Variants in PPP3CB observed in about 807,000 individuals in gnomAD.
The protein encoded by PPP3CB is serine/threonine-protein phosphatase 2B catalytic subunit beta isoform.
In PPP3CB, 8 loss-of-function variants were observed where a neutral mutation model predicts 66.4. The observed-to-expected ratio is 0.12, with a 90% CI of 0.07 to 0.22. The LOEUF (loss-of-function observed/expected upper bound fraction) is 0.22, where lower values mean the gene tolerates loss of function less well. Ranked by LOEUF, PPP3CB falls within the 10% of genes least tolerant of loss-of-function variation. The pLI is 1.00. For missense variants in PPP3CB, 319 were observed against 642.5 expected (o/e 0.50, Z 5.44); for synonymous variants, 208 against 221.2 (o/e 0.94, Z 0.53).
chr10:73,455,568 T>C (rs1298856029), intron 9 of PPP3CB, among the ~76,000 whole-genome samples: 1 of 152,162 alleles, frequency 6.6e-6, no homozygotes, highest in Non-Finnish European at 1.5e-5. Context: ...GCTAGTTTTA[T>C]TGTCAACTGT....
At chr10:73,472,641 TA>T (rs148662098) in intron 4 of PPP3CB, among the ~76,000 whole-genome samples, 2 of 152,346 alleles carry the variant, frequency 1.3e-5, no homozygotes, top group Non-Finnish European at 2.9e-5. Flanking sequence ...ATGACTACTT[TA>T]TTCTTATTAC....
In PPP3CB at chr10:73,464,867, G is replaced by A. The variant is rs367711661; in HGVS notation, c.1108+2686C>T. Among the ~76,000 whole-genome samples the A allele has an allele frequency of 3.2e-4, 49 of 151,616 alleles. No homozygotes were observed. The South Asian group carries it at 3.5e-3, about 11-fold the overall frequency. On this transcript the variant is annotated intron_variant, in intron 9 of 13. Coordinates refer to ENST00000360663, the MANE Select transcript of PPP3CB (RefSeq NM_021132.4). ...AATCACTTAAACCCGGGGGATGGAC[G>A]TTGCAGTGAGCTGAGATTGTGCCTG...
At chr10:73,439,707 G>A (rs1444757115) in intron 13 of PPP3CB, among the ~76,000 whole-genome samples, 165 bp downstream of exon 13, 1 of 152,042 alleles carries the variant, frequency 6.6e-6, no homozygotes, top group Non-Finnish European at 1.5e-5. Context: ...ATTTAAAAAT[G>A]AAAAATTAAA....
At chr10:73,473,507 T>G (rs1215553486) in intron 4 of PPP3CB, among the ~76,000 whole-genome samples, 1 of 151,880 alleles carries the variant, frequency 6.6e-6, no homozygotes, top group Admixed American at 6.6e-5. Context: ...ATACAAAAAT[T>G]AGCAGGACGT....
At chr10:73,450,740 A>AT (rs912786752) in intron 10 of PPP3CB, among the ~76,000 whole-genome samples, 1 of 152,178 alleles carries the variant, frequency 6.6e-6, no homozygotes, top group African/African-American at 2.4e-5. Flanking sequence ...GTGGGAAAGA[A>AT]TTTTCATCCT....
intron 8 of PPP3CB, among the ~76,000 whole-genome samples, chr10:73,470,181 GA>G (rs1168354935): frequency 6.6e-6 from 1 of 150,830 alleles, no homozygotes; most frequent in Non-Finnish European, 1.5e-5. Context: ...AGATGAAACT[GA>G]ATTAATTAAA....
At chr10:73,466,045 C>T (rs1447244723) in intron 9 of PPP3CB, among the ~76,000 whole-genome samples, 2 of 152,086 alleles carry the variant, frequency 1.3e-5, no homozygotes, top group Admixed American at 1.3e-4. Flanking sequence ...TCACTTAGTA[C>T]CAGACCTCAA....
intron 9 of PPP3CB, among the ~76,000 whole-genome samples, chr10:73,455,179 G>C (rs2056406328): frequency 6.6e-6 from 1 of 151,906 alleles, no homozygotes; most frequent in South Asian, 2.1e-4. Flanking sequence ...CACTGCGCCT[G>C]GCCTTAATCT....
chr10:73,455,298 A>G (rs2056407716), intron 9 of PPP3CB, among the ~76,000 whole-genome samples: 2 of 152,070 alleles, frequency 1.3e-5, no homozygotes, highest in South Asian at 4.1e-4. Flanking sequence ...CTCTTTGACT[A>G]TTCTGTATAT....
At chr10:73,451,235 A>G (rs1425552925) in intron 10 of PPP3CB, among the ~76,000 whole-genome samples, 2 of 151,864 alleles carry the variant, frequency 1.3e-5, no homozygotes, top group East Asian at 1.9e-4. Context: ...CAGAAAATAA[A>G]TAACAATATC....
intron 12 of PPP3CB, 68 bp from the exon 13 acceptor site, chr10:73,439,969 GA>G: frequency 6.8e-7 from 1 of 1,465,874 alleles, no homozygotes; most frequent in South Asian, 1.1e-5. Context: ...TTGTACAGCA[GA>G]AAAGGCAATG....
At chr10:73,486,308 T>C (rs2056976774) in intron 1 of PPP3CB, among the ~76,000 whole-genome samples, 2 of 148,106 alleles carry the variant, frequency 1.4e-5, no homozygotes, top group South Asian at 4.3e-4. Context: ...TTTTTTTTTT[T>C]TTTTTTTTTC....
intron 5 of PPP3CB, 53 bp from the exon 6 acceptor site, chr10:73,471,262 A>G (rs1332074918): frequency 6.6e-7 from 1 of 1,520,318 alleles, no homozygotes; most frequent in Non-Finnish European, 9.0e-7. Context: ...AAGTAAGGAT[A>G]AAATGTGCAT....
chr10:73,485,561 C>T (rs896116960), intron 1 of PPP3CB, among the ~76,000 whole-genome samples: 11 of 152,278 alleles, frequency 7.2e-5, no homozygotes, highest in Non-Finnish European at 1.5e-4. Context: ...CCATCATTGC[C>T]ATCCTTGGCA....
At chr10:73,463,926 C>A (rs1217021773) in intron 9 of PPP3CB, among the ~76,000 whole-genome samples, 1 of 151,404 alleles carries the variant, frequency 6.6e-6, no homozygotes, top group Admixed American at 6.6e-5. Flanking sequence ...TAAGCCACTG[C>A]GCCCGGCCTC....
At chr10:73,487,564 C>CAAAAAAA (rs746889105) in intron 1 of PPP3CB, among the ~76,000 whole-genome samples, 37 of 64,928 alleles carry the variant, frequency 5.7e-4, no homozygotes, top group Middle Eastern at 0.01. Flanking sequence ...AAACCAAAAC[C>CAAAAAAA]AAAAAAAAAA....
rs528238766 is a variant in PPP3CB at position 73,491,022 on chromosome 10, G to GTTTTTTT, written c.85+4776_85+4782dup. On this transcript the variant is annotated intron_variant, in intron 1 of 13. Coordinates refer to ENST00000360663, the MANE Select transcript of PPP3CB (RefSeq NM_021132.4). ...TAATTTTTGTTTGTTTGTTTTTATT[G>GTTTTTTT]TTTTTTTTTTTTTTTTTTTTTTTTT... is the stretch of plus-strand genomic sequence containing the variant. Among the ~76,000 whole-genome samples, 123 of 40,922 alleles carry GTTTTTTT rather than the reference G, an allele frequency of 3.0e-3. 1 individual carries two copies. Among genetic ancestry groups the GTTTTTTT allele is most frequent in the East Asian group, 7.0e-3 (7 of 1,004 alleles). The allele number at this position is 40,922 out of a possible 152,430, so 26.8% of individuals were successfully genotyped here. A position where few individuals can be genotyped will look rare whatever the true frequency, so the allele number is the denominator to read the frequency against.
chr10:73,484,276 C>CT (rs542883073), intron 1 of PPP3CB, among the ~76,000 whole-genome samples: 155 of 148,064 alleles, frequency 1.0e-3, no homozygotes, highest in African/African-American at 2.3e-3. Context: ...ACTATTTCTA[C>CT]TTTTTTTTTT....
chr10:73,464,385 T>C (rs1449668190), intron 9 of PPP3CB, among the ~76,000 whole-genome samples: 1 of 152,172 alleles, frequency 6.6e-6, no homozygotes, highest in Non-Finnish European at 1.5e-5. Context: ...CCTTGGTACC[T>C]TGAATAAAAC....
Sources: allele counts gnomAD v4.1 joint callset (sites outside exome capture counted in the v4.1 genomes callset), GRCh38; gene constraint gnomAD v4.1.1; transcripts MANE v1.5; gene names NCBI Gene and HGNC (gene_info 2026-07-23, HGNC 2026-07-21).